ANKRD16: variants seen among roughly 807,000 people sequenced by gnomAD.
ANKRD16 encodes ankyrin repeat domain 16.
Under a neutral mutation model 37.9 loss-of-function variants are expected in ANKRD16, and 35 were observed. The observed-to-expected ratio is 0.92, with a 90% CI of 0.71 to 1.23. The LOEUF (loss-of-function observed/expected upper bound fraction) is 1.23, where lower values mean the gene tolerates loss of function less well. Among genes scored for constraint, ANKRD16 ranks in the 50% most tolerant of loss-of-function variants. The pLI is 0.00. For missense variants in ANKRD16, 480 were observed against 469.9 expected (o/e 1.02, Z -0.20); for synonymous variants, 206 against 197.2 (o/e 1.04, Z -0.37).
chr10:5,888,185 G>C, intron 1 of ANKRD16, 118 bp from the exon 2 acceptor site: 1 of 942,234 alleles, frequency 1.1e-6, no homozygotes, highest in South Asian at 1.6e-5. Flanking sequence ...GGATTCAGGG[G>C]TCTGGCAGGC....
chr10:5,872,894 T>G (rs1408682163), intron 7 of ANKRD16, among the ~76,000 whole-genome samples: 1 of 151,638 alleles, frequency 6.6e-6, no homozygotes, highest in Non-Finnish European at 1.5e-5. Context: ...GGAGTCTCAC[T>G]CTGTCACCCA....
rs1436168870 is a variant in ANKRD16, at chr10:5,868,050, C to A, written c.*34-5359G>T. Among the ~76,000 whole-genome samples, 2 of 152,218 alleles carry A rather than the reference C, an allele frequency of 1.3e-5. No individual in the cohort carries two copies. The highest frequency in any genetic ancestry group is 4.8e-5 in the African/African-American group (2 of 41,442). On this transcript the variant is annotated intron_variant, in intron 7 of 7. Coordinates refer to ENST00000380094, the MANE Select transcript of ANKRD16 (RefSeq NM_019046.3). This position sits in a 1 kb window ranked among gnomAD's most constrained non-coding sequence, Gnocchi z 4.9. Reference sequence around the variant, plus strand: ...AGACAACGCCTTTCAAACTCTTATACCAACCTCTGGAGTTGGGTGACATGA... The same window carrying A: ...AGACAACGCCTTTCAAACTCTTATAACAACCTCTGGAGTTGGGTGACATGA...
At chr10:5,883,836 C>G (rs1842363111) in intron 4 of ANKRD16, 133 bp downstream of exon 4, 3 of 694,258 alleles carry the variant, frequency 4.3e-6, no homozygotes, top group Non-Finnish European at 7.1e-6. Context: ...AAGAGGTCAC[C>G]AAGTTCCAGA....
chr10:5,881,438 T>TTATAAAAATA (rs1422263395), intron 5 of ANKRD16, among the ~76,000 whole-genome samples: 1,666 of 50,836 alleles, frequency 0.033, 66 homozygotes, highest in Non-Finnish European at 0.042. Context: ...AAAATATTAT[T>TTATAAAAATA]TATATATATA....
At chr10:5,872,823 T>C (rs144875274) in intron 7 of ANKRD16, among the ~76,000 whole-genome samples, 3,208 of 151,874 alleles carry the variant, frequency 0.021, 114 homozygotes, top group African/African-American at 0.073. Flanking sequence ...CCCAAAGTGC[T>C]GGCATTACAG....
chr10:5,886,012 A>C (rs1204822650), intron 2 of ANKRD16, among the ~76,000 whole-genome samples: 1 of 152,256 alleles, frequency 6.6e-6, no homozygotes, highest in Non-Finnish European at 1.5e-5. Context: ...GTGCACTTTC[A>C]TGGGAAACTT....
At chr10:5,883,336 CGAAG>C (rs1842352049) in intron 4 of ANKRD16, among the ~76,000 whole-genome samples, 169 bp from the exon 5 acceptor site, 4 of 152,078 alleles carry the variant, frequency 2.6e-5, no homozygotes, top group African/African-American at 7.2e-5. Flanking sequence ...TTTTTTGAGA[CGAAG>C]TCTCACTCTG....
intron 2 of ANKRD16, 139 bp downstream of exon 2, chr10:5,887,708 C>CCCG: frequency 1.8e-4 from 34 of 194,148 alleles, no homozygotes; most frequent in East Asian, 7.8e-4. Flanking sequence ...CCCTCCCCCC[C>CCCG]AGATGTTCTT....
chr10:5,889,558 C>A lies in ANKRD16; in HGVS notation c.-204G>T. 3.6e-6 allele frequency: 1 copy of A among 275,456 alleles called. No individual in the cohort carries two copies. The highest frequency in any genetic ancestry group is 6.4e-6 in the Non-Finnish European group (1 of 156,854). 17.1% of individuals were successfully genotyped at this position (275,456 alleles called of 1,614,324 possible). A position where few individuals can be genotyped will look rare whatever the true frequency, so the allele number is the denominator to read the frequency against. ...TCAAACCCCCGGCCTAGTCCGCAGG[C>A]GGGCTGCCCCCTCACAGCCCCGGCC... On this transcript the variant is annotated 5_prime_UTR_variant, in exon 1 of 8. Coordinates refer to ENST00000380094, the MANE Select transcript of ANKRD16 (RefSeq NM_019046.3).
intron 7 of ANKRD16, among the ~76,000 whole-genome samples, chr10:5,873,657 C>T (rs984467693): frequency 3.9e-5 from 6 of 152,150 alleles, no homozygotes; most frequent in Non-Finnish European, 7.4e-5. Flanking sequence ...ATTCTAGCAA[C>T]GTCCTGGGTT....
intron 5 of ANKRD16, among the ~76,000 whole-genome samples, chr10:5,880,723 C>A (rs1169538510): frequency 6.6e-6 from 1 of 152,136 alleles, no homozygotes; most frequent in African/African-American, 2.4e-5. Context: ...TATAAAGTAG[C>A]TACCTGTGGA....
Position 5,865,278 on chromosome 10 carries a change from T to G in ANKRD16, c.*34-2587A>C, listed in dbSNP as rs1340471338. 1.3e-5 allele frequency among the ~76,000 whole-genome samples: 2 copies of G among 152,214 alleles called. No individual in the cohort carries two copies. The highest frequency in any genetic ancestry group is 1.3e-4 in the Admixed American group (2 of 15,286). ...GCTGCCCCCTCGCCCATGTCCACTA[T>G]GCCGAGGCAATCACTGGAAGGTGCA... is the stretch of plus-strand genomic sequence containing the variant. On this transcript the variant is annotated intron_variant, in intron 7 of 7. Transcript: ENST00000380094. This position sits in a 1 kb window ranked among gnomAD's most constrained non-coding sequence, Gnocchi z 4.7.
At position 5,878,215 on chromosome 10, in the gene ANKRD16, G is replaced by A. The variant is rs1842215401; in HGVS notation, c.1001C>T (p.Ser334Phe). The A allele has an allele frequency of 6.2e-7, 1 of 1,614,176 alleles. No individual in the cohort carries two copies. Among genetic ancestry groups the A allele is most frequent in the Non-Finnish European group, 8.5e-7 (1 of 1,180,038 alleles). The part of the protein sequence containing the change: ...KFLLQSGLKD[S>F]EDITGTLAQQ... ...AGCCAGGGTGCCCGTGATGTCTTCA[G>A]AATCCTTCAGTCCCGACTGCAGGAG... The change falls in exon 7 of 8, where the codon TCT becomes TTT. Residue 334 changes from serine (S) to phenylalanine (F), a missense_variant. By Grantham distance (155) the Ser-to-Phe change is radical. Coordinates refer to ENST00000380094, the MANE Select transcript of ANKRD16 (RefSeq NM_019046.3). This position sits in a 1 kb window ranked among gnomAD's most constrained non-coding sequence, Gnocchi z 5.1.
chr10:5,878,889 A>C lies in ANKRD16; in HGVS notation c.929-602T>G, dbSNP rs1842231791. 6.6e-6 allele frequency among the ~76,000 whole-genome samples: 1 copy of C among 152,236 alleles called. No individual in the cohort carries two copies. The highest frequency in any genetic ancestry group is 1.5e-5 in the Non-Finnish European group (1 of 68,036). On this transcript the variant is annotated intron_variant, in intron 6 of 7. Coordinates refer to ENST00000380094, the MANE Select transcript of ANKRD16 (RefSeq NM_019046.3). This position sits in a 1 kb window ranked among gnomAD's most constrained non-coding sequence, Gnocchi z 5.1. ...CTCTTCATACGCCTGAATGCTCTGGAAACACACTTTAAATGGTACAAAAAA... is the reference window on the plus strand; with the variant it reads ...CTCTTCATACGCCTGAATGCTCTGGCAACACACTTTAAATGGTACAAAAAA...
chr10:5,887,887 C>T lies in ANKRD16; in HGVS notation c.495G>A (p.Lys165=), dbSNP rs1402190486. 1.2e-6 allele frequency: 2 copies of T among 1,614,170 alleles called. No individual in the cohort carries two copies. The highest frequency in any genetic ancestry group is 1.7e-6 in the Non-Finnish European group (2 of 1,180,016). ...YLLTVCPGAW[K]TESKIRRTPL... is the part of the protein sequence containing the mutation. ...GAGTCCTTCTAATTTTGCTCTCTGT[C>T]TTCCAGGCACCTGGGCAAACAGTGA... The change falls in exon 2 of 8, where the codon AAG becomes AAA. Residue 165 remains lysine (K), a synonymous_variant. Transcript: ENST00000380094.
chr10:5,887,147 G>C (rs1032984636), intron 2 of ANKRD16, among the ~76,000 whole-genome samples: 4 of 152,146 alleles, frequency 2.6e-5, no homozygotes, highest in Non-Finnish European at 4.4e-5. Flanking sequence ...ACAACCCTGA[G>C]ACATACCATC....
chr10:5,889,534 C>A lies in ANKRD16; in HGVS notation c.-180G>T. ...TTTGTCCCCGGCAGAGCCGCCTCCT[C>A]AAACCCCCGGCCTAGTCCGCAGGCG... is the stretch of plus-strand genomic sequence containing the variant. On this transcript the variant is annotated 5_prime_UTR_variant, in exon 1 of 8. Coordinates refer to ENST00000380094, the MANE Select transcript of ANKRD16 (RefSeq NM_019046.3). 3.0e-6 allele frequency: 1 copy of A among 333,904 alleles called. No individual in the cohort carries two copies. Among genetic ancestry groups the A allele is most frequent in the Non-Finnish European group, 4.9e-6 (1 of 205,538 alleles). The allele number at this position is 333,904 out of a possible 1,614,324, so 20.7% of individuals were successfully genotyped here.
Position 5,864,214 on chromosome 10 carries a change from G to C in ANKRD16, c.*34-1523C>G, listed in dbSNP as rs550648171. 1.3e-5 allele frequency among the ~76,000 whole-genome samples: 2 copies of C among 152,036 alleles called. No homozygotes were observed. The highest frequency in any genetic ancestry group is 2.9e-5 in the Non-Finnish European group (2 of 68,038). On this transcript the variant is annotated intron_variant, in intron 7 of 7. Coordinates refer to ENST00000380094, the MANE Select transcript of ANKRD16 (RefSeq NM_019046.3). This position sits in a 1 kb window ranked among gnomAD's most constrained non-coding sequence, Gnocchi z 4.4. The stretch of plus-strand genomic sequence containing the variant: ...AGCTTACAACTTACATCCCACAGGA[G>C]GACTTCTCAGCTTACCCCCAGATCC...
chr10:5,877,051 C>T (rs1842196581), intron 7 of ANKRD16, among the ~76,000 whole-genome samples: 1 of 152,162 alleles, frequency 6.6e-6, no homozygotes, highest in Non-Finnish European at 1.5e-5. Context: ...GTTTTAAAGA[C>T]AAAACCCCAT....
Sources: allele counts gnomAD v4.1 joint callset (sites outside exome capture counted in the v4.1 genomes callset), GRCh38; gene constraint gnomAD v4.1.1; non-coding constraint Gnocchi (gnomAD v3.1); transcripts MANE v1.5; gene names NCBI Gene and HGNC (gene_info 2026-07-23, HGNC 2026-07-21).